Variants in PACS2 observed in about 807,000 individuals in gnomAD.
The protein encoded by PACS2 is PACS1-like protein.
A neutral mutation model predicts 113.0 loss-of-function variants in PACS2; 36 were observed. That is an observed-to-expected ratio of 0.32 (90% CI 0.24 to 0.42). The LOEUF is 0.42. PACS2 is among the 10% of genes least tolerant of loss of function. The probability of loss-of-function intolerance (pLI) is 1.00; values close to 1 mark genes in which losing one functional copy is unlikely to be tolerated. For synonymous variants in PACS2, 589 were observed against 536.1 expected (o/e 1.10, Z -1.36); for missense variants, 1,015 against 1,239.5 (o/e 0.82, Z 2.72).
chr14:105,345,421 T>A (rs1020130940), intron 1 of PACS2, among the ~76,000 whole-genome samples: 2 of 151,914 alleles, frequency 1.3e-5, no homozygotes, highest in South Asian at 2.1e-4. Context: ...AAAAAAAAAA[T>A]GGAATCTTTA....
rs2060486445 is a variant in PACS2, at chr14:105,357,185, C to T, written c.423+2008C>T. Reference sequence around the variant, plus strand: ...TCCTTGCCCTGAATGCTGGCCTCTGCTCCCAGGCCCCTCCCTCACCTGTCC... The same window carrying T: ...TCCTTGCCCTGAATGCTGGCCTCTGTTCCCAGGCCCCTCCCTCACCTGTCC... On this transcript the variant is annotated intron_variant, in intron 4 of 24. Transcript: ENST00000447393. The surrounding 1 kb of genome is among the most constrained non-coding windows in gnomAD (Gnocchi z 5.1). Among the ~76,000 whole-genome samples, 1 of 152,162 alleles carries T rather than the reference C, an allele frequency of 6.6e-6. No individual in the cohort carries two copies. Among genetic ancestry groups the T allele is most frequent in the Admixed American group, 6.5e-5 (1 of 15,278 alleles).
At chr14:105,310,311 A>T (rs587615294), upstream of PACS2, among the ~76,000 whole-genome samples, 33 of 151,206 alleles carry the variant, frequency 2.2e-4, no homozygotes, top group South Asian at 6.7e-3. Flanking sequence ...CGGGCGGATC[A>T]TGAGGTCAGG....
At chr14:105,350,690 C>T (rs1039967243) in intron 2 of PACS2, among the ~76,000 whole-genome samples, 7 of 152,266 alleles carry the variant, frequency 4.6e-5, no homozygotes, top group African/African-American at 1.4e-4. Context: ...CTGGCGTGCA[C>T]CTTCGCCTCA....
rs1322881830 is a variant in PACS2 at position 105,323,687 on chromosome 14, A to G, written c.119+8650A>G. Reference sequence around the variant, plus strand: ...ATTGCCTCAGGGTGTGCAGGTGGAGATGGGTGGGAGGTGTCGTGCAGGGCT... The same window carrying G: ...ATTGCCTCAGGGTGTGCAGGTGGAGGTGGGTGGGAGGTGTCGTGCAGGGCT... On this transcript the variant is annotated intron_variant, in intron 1 of 24. Coordinates refer to ENST00000447393, the MANE Select transcript of PACS2 (RefSeq NM_001100913.3). This position sits in a 1 kb window ranked among gnomAD's most constrained non-coding sequence, Gnocchi z 4.1. Among the ~76,000 whole-genome samples, 1 of 151,950 alleles carries G rather than the reference A, an allele frequency of 6.6e-6. No homozygotes were observed. Among genetic ancestry groups the G allele is most frequent in the Non-Finnish European group, 1.5e-5 (1 of 67,970 alleles).
chr14:105,369,764 TG>T, intron 7 of PACS2, 76 bp from the exon 8 acceptor site: 2 of 1,321,408 alleles, frequency 1.5e-6, no homozygotes, highest in South Asian at 1.3e-5. Context: ...GGGTGCGGCC[TG>T]GGCCTGAGGA....
Position 105,358,378 on chromosome 14 carries a change from C to T in PACS2, c.423+3201C>T, listed in dbSNP as rs906626355. Among the ~76,000 whole-genome samples, 3 of 152,240 alleles carry T rather than the reference C, an allele frequency of 2.0e-5. No homozygotes were observed. The highest frequency in any genetic ancestry group is 4.8e-5 in the African/African-American group (2 of 41,464). On this transcript the variant is annotated intron_variant, in intron 4 of 24. Transcript: ENST00000447393. This position sits in a 1 kb window ranked among gnomAD's most constrained non-coding sequence, Gnocchi z 4.9. The stretch of plus-strand genomic sequence containing the variant: ...CTTCTCAGGAAGCTTGAGCTGACTG[C>T]AGGTGGTCCCTCTCAGAGGCAGCTC...
At chr14:105,383,658 G>A in intron 16 of PACS2, 145 bp downstream of exon 16, 1 of 655,852 alleles carries the variant, frequency 1.5e-6, no homozygotes, top group East Asian at 2.9e-5. Flanking sequence ...GGCATGGCGT[G>A]GTGTCCCTGC....
In PACS2 at chr14:105,340,875, G is replaced by T. The variant is rs2059696304; in HGVS notation, c.120-7618G>T. ...CAGCCAGGGTGAAAGGAGTGGGCAG[G>T]GCCTGCTGCCTCTGCTCAGGGCCCC... On this transcript the variant is annotated intron_variant, in intron 1 of 24. Coordinates refer to ENST00000447393, the MANE Select transcript of PACS2 (RefSeq NM_001100913.3). This position sits in a 1 kb window ranked among gnomAD's most constrained non-coding sequence, Gnocchi z 4.2. Among the ~76,000 whole-genome samples the T allele has an allele frequency of 6.6e-6, 1 of 152,232 alleles. No homozygotes were observed. The highest frequency in any genetic ancestry group is 2.4e-5 in the African/African-American group (1 of 41,460).
chr14:105,360,846 C>T (rs782181359), intron 4 of PACS2, among the ~76,000 whole-genome samples: 7 of 152,212 alleles, frequency 4.6e-5, no homozygotes, highest in African/African-American at 9.7e-5. Context: ...CGTTACTAAC[C>T]GAGACGGTGG....
chr14:105,394,531 G>T (rs373855448), intron 24 of PACS2, 23 bp from the exon 25 acceptor site: 4 of 1,608,182 alleles, frequency 2.5e-6, no homozygotes, highest in Middle Eastern at 1.7e-4. Flanking sequence ...GGGGGCAGGC[G>T]GTCAGGCAGC....
intron 4 of PACS2, among the ~76,000 whole-genome samples, chr14:105,360,444 G>A (rs992989330): frequency 2.6e-5 from 4 of 151,662 alleles, no homozygotes; most frequent in Non-Finnish European, 5.9e-5. Flanking sequence ...CTAGGGAGGG[G>A]AGGCAGGAGA....
chr14:105,382,701 G>A (rs1255406229), intron 14 of PACS2, 106 bp from the exon 15 acceptor site: 11 of 951,024 alleles, frequency 1.2e-5, no homozygotes, highest in Non-Finnish European at 1.8e-5. Context: ...GGTTTGCCTG[G>A]ACGTGCCTGG....
At chr14:105,360,384 A>C (rs1320142842) in intron 4 of PACS2, among the ~76,000 whole-genome samples, 1 of 152,016 alleles carries the variant, frequency 6.6e-6, no homozygotes, top group East Asian at 1.9e-4. Flanking sequence ...TACTAAAAAT[A>C]CAAAAAAAAA....
intron 1 of PACS2, among the ~76,000 whole-genome samples, chr14:105,344,985 T>C (rs1252633337): frequency 1.3e-5 from 2 of 152,124 alleles, no homozygotes; most frequent in East Asian, 1.9e-4. Flanking sequence ...AGTGCACACC[T>C]GTAATCCCAG....
chr14:105,321,122 A>G (rs1450853490), intron 1 of PACS2, among the ~76,000 whole-genome samples: 2 of 151,832 alleles, frequency 1.3e-5, no homozygotes, highest in African/African-American at 4.9e-5. Context: ...CACTGCAAAA[A>G]CATTTTTTTT....
chr14:105,380,896 G>T lies in PACS2; in HGVS notation c.1126-61G>T, dbSNP rs587757823. 34 of 1,529,640 alleles carry T rather than the reference G, an allele frequency of 2.2e-5. No individual in the cohort carries two copies. The Admixed American group carries it at 3.1e-4, about 14-fold the overall frequency. The allele number at this position is 1,529,640 out of a possible 1,614,324, so 94.8% of individuals were successfully genotyped here. A position where few individuals can be genotyped will look rare whatever the true frequency, so the allele number is the denominator to read the frequency against. ...ACCCGAGCCAGAGGCCACAGGGCTG[G>T]AGAGGCCGCAGCACGGGTGTGGTTT... On this transcript the variant is annotated intron_variant, in intron 11 of 24. Coordinates refer to ENST00000447393, the MANE Select transcript of PACS2 (RefSeq NM_001100913.3).
intron 3 of PACS2, among the ~76,000 whole-genome samples, chr14:105,353,750 C>T (rs149611474): frequency 8.3e-4 from 126 of 152,010 alleles, no homozygotes; most frequent in Non-Finnish European, 1.3e-3. Context: ...TGTGCCACCA[C>T]GCCCGGCTAT....
rs1458542526 is a variant in PACS2, at chr14:105,365,637, A to C, written c.424-1576A>C. Reference sequence around the variant, plus strand: ...GGAGGTTGGTATGAGCAGGTGCAGCACCACCTGAGCCCCACCTTGATTCCT... The same window carrying C: ...GGAGGTTGGTATGAGCAGGTGCAGCCCCACCTGAGCCCCACCTTGATTCCT... On this transcript the variant is annotated intron_variant, in intron 4 of 24. Coordinates refer to ENST00000447393, the MANE Select transcript of PACS2 (RefSeq NM_001100913.3). This position sits in a 1 kb window ranked among gnomAD's most constrained non-coding sequence, Gnocchi z 5.1. Among the ~76,000 whole-genome samples, 1 of 152,148 alleles carries C rather than the reference A, an allele frequency of 6.6e-6. No homozygotes were observed. The highest frequency in any genetic ancestry group is 2.4e-5 in the African/African-American group (1 of 41,434).
chr14:105,374,530 G>A (rs1167202642), intron 8 of PACS2: 2 of 152,202 alleles, frequency 1.3e-5, no homozygotes, highest in African/African-American at 4.8e-5. Context: ...AGCCTCAGGT[G>A]CCACGGAGCT....
Sources: gnomAD v4.1 joint callset for allele counts (sites outside exome capture counted in the v4.1 genomes callset) on GRCh38, gnomAD v4.1.1 for gene constraint, Gnocchi (gnomAD v3.1) non-coding constraint, MANE v1.5 for transcripts, NCBI Gene and HGNC (gene_info 2026-07-23, HGNC 2026-07-21) for gene names.